The following GALNT15 variants were observed in gnomAD, a reference collection of about 807,000 sequenced individuals.
GALNT15 encodes the protein UDP-GalNAc transferase T15.
GALNT15 carries 67 observed loss-of-function variants against 66.8 expected under a neutral mutation model. The observed-to-expected ratio is 1.00, with a 90% confidence interval of 0.82 to 1.23. The LOEUF is 1.23. GALNT15 is among the 50% of genes most tolerant of loss of function. The pLI is 0.00. For missense variants in GALNT15, 827 were observed against 804.3 expected, an observed-to-expected ratio of 1.03 and a Z score of -0.34; for synonymous variants, 313 against 311.5, an observed-to-expected ratio of 1.00 and a Z score of -0.05.
chr3:16,232,939 G>A (rs2064098255), downstream of GALNT15, among the ~76,000 whole-genome samples: 1 of 151,638 alleles, frequency 6.6e-6, no homozygotes, highest in African/African-American at 2.4e-5. Context: ...GAGTAGCAAC[G>A]ATTCCAGTAG....
the GALNT15 span, among the ~76,000 whole-genome samples, chr3:16,244,768 T>C: frequency 6.6e-6 from 1 of 152,192 alleles, no homozygotes. Flanking sequence ...ATATTCCAGA[T>C]ATGAGCCAGA....
intron 6 of GALNT15, among the ~76,000 whole-genome samples, chr3:16,218,148 C>T (rs36019252): frequency 0.075 from 11,430 of 152,288 alleles, 565 homozygotes; most frequent in Middle Eastern, 0.12. Flanking sequence ...GGGAATCACA[C>T]TTTGAGAAGT....
rs1219049354 is a variant in GALNT15 at position 16,183,405 on chromosome 3, C to G, written c.539+7715C>G. 6.6e-6 allele frequency among the ~76,000 whole-genome samples: 1 copy of G among 152,206 alleles called. No homozygotes were observed. Among genetic ancestry groups the G allele is most frequent in the African/African-American group, 2.4e-5 (1 of 41,446 alleles). ...TATGGTGTTCCCAAGATAAGTGCCACCAATTACAGGCAAGCTAGGATTTTC... is the reference window on the plus strand; with the variant it reads ...TATGGTGTTCCCAAGATAAGTGCCAGCAATTACAGGCAAGCTAGGATTTTC... On this transcript the variant is annotated intron_variant, in intron 1 of 9. Transcript: ENST00000339732. The surrounding 1 kb of genome is among the most constrained non-coding windows in gnomAD (Gnocchi z 5.2).
At chr3:16,206,671 TAAAAAAA>T (rs1170870767) in intron 3 of GALNT15, among the ~76,000 whole-genome samples, 11 of 60,046 alleles carry the variant, frequency 1.8e-4, no homozygotes, top group East Asian at 4.1e-4. Context: ...AGACTCTGTC[TAAAAAAA>T]AAAAAAAAAA....
At chr3:16,247,726 T>A in the GALNT15 span, among the ~76,000 whole-genome samples, 3 of 152,258 alleles carry the variant, frequency 2.0e-5, no homozygotes, top group Admixed American at 2.0e-4. Flanking sequence ...CTTCCTGTAC[T>A]GGGAACATAA....
chr3:16,234,716 C>T (rs536360763), downstream of GALNT15, among the ~76,000 whole-genome samples: 1 of 152,336 alleles, frequency 6.6e-6, no homozygotes, highest in Admixed American at 6.5e-5. Flanking sequence ...CTTGTCCCAA[C>T]AAAAGCTTGC....
At chr3:16,198,339 T>A (rs148139500) in intron 2 of GALNT15, among the ~76,000 whole-genome samples, 2 of 129,446 alleles carry the variant, frequency 1.5e-5, no homozygotes, top group Admixed American at 1.5e-4. Flanking sequence ...CCAGTCCGGT[T>A]TGTGCTCTTC....
In GALNT15 at chr3:16,175,224, T is replaced by G. The variant is rs779040126; in HGVS notation, c.73T>G (p.Cys25Gly). The G allele has an allele frequency of 6.2e-7, 1 of 1,614,180 alleles. No homozygotes were observed. The highest frequency in any genetic ancestry group is 8.5e-7 in the Non-Finnish European group (1 of 1,180,036). ...QFLLLLLMLGCVLMMVAMLHP... is the reference protein window; with the variant it reads ...QFLLLLLMLGGVLMMVAMLHP... The stretch of plus-strand genomic sequence containing the variant: ...CCTCCTGCTGCTCCTGATGCTGGGA[T>G]GCGTCCTGATGATGGTGGCGATGTT... Residue 25 changes from cysteine (C) to glycine (G), a missense_variant, in exon 1 of 10, where the codon TGC becomes GGC. Transcript: ENST00000339732. This position sits in a 1 kb window ranked among gnomAD's most constrained non-coding sequence, Gnocchi z 5.6.
rs976530817 is a variant in GALNT15 at position 16,189,672 on chromosome 3, C to T, written c.540-6088C>T. 6.6e-6 allele frequency among the ~76,000 whole-genome samples: 1 copy of T among 152,198 alleles called. No homozygotes were observed. The highest frequency in any genetic ancestry group is 6.5e-5 in the Admixed American group (1 of 15,282). ...AATTGAAGCTAGAAAGATATCCAGG[C>T]ACATGAGAGGTTTGCAAGAATCAAC... On this transcript the variant is annotated intron_variant, in intron 1 of 9. Transcript: ENST00000339732. The surrounding 1 kb of genome is among the most constrained non-coding windows in gnomAD (Gnocchi z 5.1).
At chr3:16,235,554 A>G (rs1198230988), downstream of GALNT15, among the ~76,000 whole-genome samples, 2 of 152,214 alleles carry the variant, frequency 1.3e-5, no homozygotes, top group African/African-American at 4.8e-5. Flanking sequence ...AATTTGATAA[A>G]GACATAAAGA....
the GALNT15 span, among the ~76,000 whole-genome samples, chr3:16,245,508 T>G: frequency 6.6e-6 from 1 of 152,398 alleles, no homozygotes; most frequent in Middle Eastern, 3.4e-3. Flanking sequence ...CTAGGGCTGG[T>G]CCTACATCCT....
intron 5 of GALNT15, 38 bp from the exon 6 acceptor site, chr3:16,212,531 T>C (rs2063827220): frequency 6.3e-7 from 1 of 1,579,880 alleles, no homozygotes; most frequent in African/African-American, 1.4e-5. Flanking sequence ...TTCTTAAAGG[T>C]GGAATGCTGA....
At chr3:16,242,679 C>T in the GALNT15 span, among the ~76,000 whole-genome samples, 1 of 151,872 alleles carries the variant, frequency 6.6e-6, no homozygotes, top group African/African-American at 2.4e-5. This position sits in a 1 kb window ranked among gnomAD's most constrained non-coding sequence, Gnocchi z 5.6. Context: ...CTCAGGAGGC[C>T]GAGGCAAGAA....
chr3:16,200,546 A>G lies in GALNT15; in HGVS notation c.707-73A>G, dbSNP rs746474453. 8.8e-4 allele frequency: 1,075 copies of G among 1,224,664 alleles called. No individual in the cohort carries two copies. Among genetic ancestry groups the G allele is most frequent in the Non-Finnish European group, 1.0e-3 (923 of 900,646 alleles). The allele number at this position is 1,224,664 out of a possible 1,614,324, so 75.9% of individuals were successfully genotyped here. Reference sequence around the variant, plus strand: ...CACAGCTTCCAAAAGAGAGTTGCTGACGATTGTCTTAGTCACAATCTCATC... The same window carrying G: ...CACAGCTTCCAAAAGAGAGTTGCTGGCGATTGTCTTAGTCACAATCTCATC... On this transcript the variant is annotated intron_variant, in intron 2 of 9. Coordinates refer to ENST00000339732, the MANE Select transcript of GALNT15 (RefSeq NM_054110.5). The surrounding 1 kb of genome is among the most constrained non-coding windows in gnomAD (Gnocchi z 4.4).
chr3:16,194,836 C>T (rs1482856503), intron 1 of GALNT15, among the ~76,000 whole-genome samples: 1 of 152,016 alleles, frequency 6.6e-6, no homozygotes, highest in African/African-American at 2.4e-5. Flanking sequence ...GTTGTGGGGG[C>T]ATGGGGAGGG....
chr3:16,175,457 C>T lies in GALNT15; in HGVS notation c.306C>T (p.Pro102=). The T allele has an allele frequency of 6.2e-7, 1 of 1,614,136 alleles. No individual in the cohort carries two copies. The highest frequency in any genetic ancestry group is 8.5e-7 in the Non-Finnish European group (1 of 1,180,012). Reference sequence around the variant, plus strand: ...AGCTGCTGGTGGCCGTGGCCTTACCCCAGGCCAGAAGGAACCAGAGCCAGG... The same window carrying T: ...AGCTGCTGGTGGCCGTGGCCTTACCTCAGGCCAGAAGGAACCAGAGCCAGG... ...EDQLLVAVAL[P]QARRNQSQGR... The change falls in exon 1 of 10, where the codon CCC becomes CCT. Residue 102 remains proline, a synonymous_variant. Transcript: ENST00000339732. The surrounding 1 kb of genome is among the most constrained non-coding windows in gnomAD (Gnocchi z 5.6).
In GALNT15 at chr3:16,195,761, T is replaced by C; in HGVS notation, c.541T>C (p.Cys181Arg). 6.2e-7 allele frequency: 1 copy of C among 1,610,322 alleles called. No individual in the cohort carries two copies. The highest frequency in any genetic ancestry group is 8.5e-7 in the Non-Finnish European group (1 of 1,177,508). ...RALPEVRHPLCLQQHPQDSLP... is the reference protein window; with the variant it reads ...RALPEVRHPLRLQQHPQDSLP... ...GCTCTCTGGCTCTCTTCCCTGCAGGTGTCTGCAGCAGCACCCTCAGGACAG... is the reference window on the plus strand; with the variant it reads ...GCTCTCTGGCTCTCTTCCCTGCAGGCGTCTGCAGCAGCACCCTCAGGACAG... Residue 181 changes from cysteine to arginine, a missense_variant and splice_region_variant, in exon 2 of 10, where the codon TGT becomes CGT. Cys to Arg is a radical substitution (Grantham distance 180). Transcript: ENST00000339732. The surrounding 1 kb of genome is among the most constrained non-coding windows in gnomAD (Gnocchi z 4.6).
chr3:16,175,711 C>T lies in GALNT15; in HGVS notation c.539+21C>T. The T allele has an allele frequency of 6.5e-7, 1 of 1,539,714 alleles. No homozygotes were observed. Among genetic ancestry groups the T allele is most frequent in the African/African-American group, 1.4e-5 (1 of 72,554 alleles). On this transcript the variant is annotated intron_variant, in intron 1 of 9. Coordinates refer to ENST00000339732, the MANE Select transcript of GALNT15 (RefSeq NM_054110.5). The surrounding 1 kb of genome is among the most constrained non-coding windows in gnomAD (Gnocchi z 5.6). ...CCACTGTAAGTAAGGCCCTTGTTTT[C>T]CCTTCCCTGATCCCAGGGCATGATC...
Position 16,213,018 on chromosome 3 carries a change from G to A in GALNT15, c.1392+255G>A, listed in dbSNP as rs184237587. Among the ~76,000 whole-genome samples the A allele has an allele frequency of 3.5e-4, 54 of 152,262 alleles. 1 individual carries two copies. Among genetic ancestry groups the A allele is most frequent in the African/African-American group, 1.3e-3 (53 of 41,548 alleles). On this transcript the variant is annotated intron_variant, in intron 6 of 9. Coordinates refer to ENST00000339732, the MANE Select transcript of GALNT15 (RefSeq NM_054110.5). ...ATCTATGGGATGACATCTATGGGAT[G>A]GGATCCCTCACCTGGGGCCAGGGGA... is the stretch of plus-strand genomic sequence containing the variant.
Sources: allele counts gnomAD v4.1 joint callset (sites outside exome capture counted in the v4.1 genomes callset), GRCh38; gene constraint gnomAD v4.1.1; non-coding constraint Gnocchi (gnomAD v3.1); transcripts MANE v1.5; gene names NCBI Gene and HGNC (gene_info 2026-07-23, HGNC 2026-07-21).